Variants in MYRIP observed in about 807,000 individuals in gnomAD.
MYRIP encodes rab effector MyRIP.
In MYRIP, 49 loss-of-function variants were observed where a neutral mutation model predicts 98.0. That is an observed-to-expected ratio of 0.50 (90% confidence interval 0.40 to 0.63). The LOEUF is 0.63. MYRIP is among the 30% of genes least tolerant of loss of function. The pLI, the probability that MYRIP is intolerant of heterozygous loss-of-function variation, is 0.00. For synonymous variants in MYRIP, 404 were observed against 409.5 expected (o/e 0.99, Z 0.16); for missense variants, 1,004 against 1,058.2 (o/e 0.95, Z 0.71).
At chr3:39,811,299 C>T (rs939114223) in intron 1 of MYRIP, among the ~76,000 whole-genome samples, 5 of 152,134 alleles carry the variant, frequency 3.3e-5, no homozygotes, top group African/African-American at 4.8e-5. Context: ...ATAATCCCCG[C>T]CGCCTTTCAA....
intron 3 of MYRIP, among the ~76,000 whole-genome samples, chr3:40,078,045 C>T (rs1948389514): frequency 1.3e-5 from 2 of 152,242 alleles, no homozygotes; most frequent in South Asian, 2.1e-4. Flanking sequence ...TCAGGCATGG[C>T]GGGCTGCAGG....
Position 40,250,306 on chromosome 3 carries a change from G to A in MYRIP, c.2347G>A (p.Asp783Asn). The change falls in exon 14 of 17, where the codon GAT (aspartate) becomes AAT (asparagine). Residue 783 changes from aspartate to asparagine, a missense_variant. By Grantham distance (23) the Asp-to-Asn change is conservative. Transcript: ENST00000302541. ...ATGTGTGCGCTTCACAAGAAGACGG[G>A]ATCAGAAGCAAAGGACCCAGGTGTG... ...APCVRFTRRRDQKQRTQVQTI... is the reference protein window; with the variant it reads ...APCVRFTRRRNQKQRTQVQTI... 6.2e-7 allele frequency: 1 copy of A among 1,614,086 alleles called. No homozygotes were observed. The highest frequency in any genetic ancestry group is 8.5e-7 in the Non-Finnish European group (1 of 1,179,930).
intron 3 of MYRIP, among the ~76,000 whole-genome samples, chr3:40,085,848 C>A (rs1418055511): frequency 6.6e-6 from 1 of 152,056 alleles, no homozygotes; most frequent in Non-Finnish European, 1.5e-5. Context: ...GTAACCGAAA[C>A]AAAAATTATA....
chr3:39,997,582 C>A (rs1402235963), intron 2 of MYRIP, among the ~76,000 whole-genome samples: 2 of 152,164 alleles, frequency 1.3e-5, no homozygotes, highest in Non-Finnish European at 2.9e-5. Flanking sequence ...CAGACGGATT[C>A]ACAGCCGAAT....
intron 2 of MYRIP, among the ~76,000 whole-genome samples, chr3:40,032,828 C>T (rs1947291435): frequency 6.6e-6 from 1 of 152,120 alleles, no homozygotes; most frequent in Admixed American, 6.5e-5. Flanking sequence ...CAATAAAATA[C>T]TGGCAAACTG....
At chr3:40,191,520 G>C (rs926028557) in intron 10 of MYRIP, among the ~76,000 whole-genome samples, 19 of 152,140 alleles carry the variant, frequency 1.2e-4, no homozygotes, top group Admixed American at 1.2e-3. Context: ...TATGGTCCAA[G>C]ATTTCACCAG....
At chr3:39,947,019 A>G (rs1944918669) in intron 2 of MYRIP, among the ~76,000 whole-genome samples, 1 of 152,182 alleles carries the variant, frequency 6.6e-6, no homozygotes, top group South Asian at 2.1e-4. Flanking sequence ...AAAAGGAATA[A>G]CTTATAAGTA....
At chr3:40,077,079 G>C (rs1210353349) in intron 3 of MYRIP, among the ~76,000 whole-genome samples, 3 of 152,114 alleles carry the variant, frequency 2.0e-5, no homozygotes, top group African/African-American at 7.2e-5. Context: ...TCTGGAGTTT[G>C]TTCCTTCTGA....
intron 16 of MYRIP, among the ~76,000 whole-genome samples, chr3:40,256,034 C>T (rs914344312): frequency 6.6e-6 from 1 of 152,182 alleles, no homozygotes; most frequent in African/African-American, 2.4e-5. Flanking sequence ...TCTATATCTG[C>T]AGTGACCAGT....
intron 10 of MYRIP, among the ~76,000 whole-genome samples, chr3:40,202,038 TG>T (rs1389717935): frequency 1.3e-5 from 2 of 152,310 alleles, no homozygotes; most frequent in Middle Eastern, 3.4e-3. Context: ...TTTGCCACAC[TG>T]AGTGCCCTAG....
At chr3:40,204,318 C>T (rs1389992329) in intron 10 of MYRIP, among the ~76,000 whole-genome samples, 2 of 140,060 alleles carry the variant, frequency 1.4e-5, no homozygotes, top group Admixed American at 1.6e-4. Context: ...CAACCTCCAT[C>T]TCCTGGGTTC....
chr3:39,961,197 T>G (rs1389437821), intron 2 of MYRIP, among the ~76,000 whole-genome samples: 1 of 152,146 alleles, frequency 6.6e-6, no homozygotes, highest in Non-Finnish European at 1.5e-5. Context: ...CCACACATGT[T>G]GTTTTTCAGG....
chr3:40,141,786 T>C (rs778360298), intron 3 of MYRIP, among the ~76,000 whole-genome samples: 3 of 152,194 alleles, frequency 2.0e-5, no homozygotes, highest in Non-Finnish European at 1.5e-5. Context: ...GGTTTTCTAC[T>C]CTGCTCTATT....
intron 3 of MYRIP, among the ~76,000 whole-genome samples, chr3:40,098,740 T>TTGTGTGTGTGTGTGTG (rs3063561): frequency 0.017 from 2,291 of 135,246 alleles, 35 homozygotes; most frequent in Middle Eastern, 0.028. Flanking sequence ...GTCTCTCTCA[T>TTGTGTGTGTGTGTGTG]TGTGTGTGTG....
At chr3:40,150,896 T>G in intron 3 of MYRIP, 152 bp from the exon 4 acceptor site, 3 of 681,074 alleles carry the variant, frequency 4.4e-6, no homozygotes, top group Non-Finnish European at 6.7e-6. Context: ...CTTTCACTAT[T>G]TTCTATGGTC....
intron 2 of MYRIP, among the ~76,000 whole-genome samples, chr3:39,926,097 T>C (rs1944417118): frequency 6.6e-6 from 1 of 152,144 alleles, no homozygotes; most frequent in Non-Finnish European, 1.5e-5. Flanking sequence ...ACATTGAGGA[T>C]TTTTTTATAT....
Position 40,159,719 on chromosome 3 carries a change from TC to T in MYRIP, c.470-3008del, listed in dbSNP as rs1163859877. On this transcript the variant is annotated intron_variant, in intron 4 of 16. Coordinates refer to ENST00000302541, the MANE Select transcript of MYRIP (RefSeq NM_015460.4). ...CTTTTCATTCTTTTTTCTCTAAACT[TC>T]CCTTCTCACTTCATTTCATTCATTT... Among the ~76,000 whole-genome samples, 16 of 152,320 alleles carry T rather than the reference TC, an allele frequency of 1.1e-4. No homozygotes were observed. The East Asian group carries it at 2.5e-3, about 24-fold the overall frequency.
At position 39,893,705 on chromosome 3, in the gene MYRIP, C is replaced by T. The variant is rs191947135; in HGVS notation, c.-30-7082C>T. On this transcript the variant is annotated intron_variant, in intron 1 of 16. Transcript: ENST00000302541. ...ACACACACACACACACACACACACA[C>T]ACGCATGCACACATACATTGTTTAG... Among the ~76,000 whole-genome samples, 458 of 149,218 alleles carry T rather than the reference C, an allele frequency of 3.1e-3. 6 individuals are homozygous for T. In the East Asian group the frequency reaches 0.047, roughly 15 times the overall value.
At chr3:40,115,915 C>T (rs899111596) in intron 3 of MYRIP, among the ~76,000 whole-genome samples, 1 of 152,092 alleles carries the variant, frequency 6.6e-6, no homozygotes, top group Non-Finnish European at 1.5e-5. Flanking sequence ...CAAAACTAGG[C>T]TCTGAGGTCC....
Sources: gnomAD v4.1 joint callset for allele counts (sites outside exome capture counted in the v4.1 genomes callset) on GRCh38, gnomAD v4.1.1 for gene constraint, MANE v1.5 for transcripts, NCBI Gene and HGNC (gene_info 2026-07-23, HGNC 2026-07-21) for gene names.